Variants in YEATS2 observed in about 807,000 individuals in gnomAD.
YEATS2 encodes the protein YEATS domain-containing protein 2.
A neutral mutation model predicts 163.2 loss-of-function variants in YEATS2; 77 were observed. The ratio of observed to expected loss-of-function variants is 0.47; its 90% confidence interval spans 0.39 to 0.57. The LOEUF (loss-of-function observed/expected upper bound fraction) is 0.57. YEATS2 is among the 20% of genes least tolerant of loss of function. YEATS2 has a pLI of 0.00. For missense variants in YEATS2, 1,549 were observed against 1,729.8 expected (o/e 0.90, Z 1.85); for synonymous variants, 631 against 645.1 (o/e 0.98, Z 0.33).
intron 7 of YEATS2, 115 bp from the exon 8 acceptor site, chr3:183,736,602 TC>T (rs1718368271): frequency 1.4e-6 from 1 of 707,894 alleles, no homozygotes; most frequent in Non-Finnish European, 2.2e-6. Flanking sequence ...AACGAGGAAA[TC>T]TAAATGATTC....
chr3:183,776,631 C>G (rs1475211609), intron 18 of YEATS2, among the ~76,000 whole-genome samples: 2 of 152,070 alleles, frequency 1.3e-5, no homozygotes, highest in African/African-American at 2.4e-5. Context: ...AGTAACTTAT[C>G]CAGGATCTTC....
intron 27 of YEATS2, among the ~76,000 whole-genome samples, chr3:183,805,420 T>G (rs909857546): frequency 2.6e-5 from 4 of 151,832 alleles, no homozygotes; most frequent in Admixed American, 2.0e-4. Flanking sequence ...AAAGAAAAGT[T>G]GTTCTCTGCC....
chr3:183,723,414 TG>T (rs1716742165), intron 5 of YEATS2, among the ~76,000 whole-genome samples: 1 of 152,246 alleles, frequency 6.6e-6, no homozygotes, highest in Admixed American at 6.5e-5. Flanking sequence ...GATAAAAATA[TG>T]TTTGTATTTA....
chr3:183,776,162 T>A (rs1385167573), intron 18 of YEATS2, 39 bp downstream of exon 18: 1 of 1,511,140 alleles, frequency 6.6e-7, no homozygotes, highest in African/African-American at 1.4e-5. Flanking sequence ...ATCATTTAGC[T>A]ATTGGATAAC....
chr3:183,763,348 T>C (rs188990716), intron 15 of YEATS2, among the ~76,000 whole-genome samples: 79 of 152,282 alleles, frequency 5.2e-4, no homozygotes, highest in African/African-American at 1.7e-3. Context: ...TCTCAACATA[T>C]CTAAATATAG....
At chr3:183,730,051 T>TGTTTG (rs1560244247) in intron 7 of YEATS2, among the ~76,000 whole-genome samples, 1 of 68,588 alleles carries the variant, frequency 1.5e-5, no homozygotes, top group Non-Finnish European at 2.8e-5. Flanking sequence ...GTTTTTTGTT[T>TGTTTG]GTTTTTTTTT....
chr3:183,803,506 T>G (rs1238154970), intron 26 of YEATS2, 171 bp downstream of exon 26: 1 of 664,920 alleles, frequency 1.5e-6, no homozygotes, highest in Non-Finnish European at 2.5e-6. Flanking sequence ...CAGGCGTGCC[T>G]TCTTTTCCTG....
chr3:183,700,770 C>CCA, intron 1 of YEATS2, among the ~76,000 whole-genome samples: 1 of 37,748 alleles, frequency 2.6e-5, no homozygotes, highest in South Asian at 1.0e-3. Context: ...GACTTCGTCT[C>CCA]AAAAAAAAAA....
chr3:183,719,153 C>CT (rs1271192463), intron 4 of YEATS2, among the ~76,000 whole-genome samples: 333 of 141,814 alleles, frequency 2.3e-3, no homozygotes, highest in Middle Eastern at 3.7e-3. Context: ...ATATTTTTTC[C>CT]TTTTTTTTTT....
rs535114198 is a variant in YEATS2, at chr3:183,786,952, G to T, written c.2913+651G>T. ...AGTGATGGAATTGCTGGATTATAAG[G>T]TAACTTTTTTTGTTGTTTTTTGAGA... On this transcript the variant is annotated intron_variant, in intron 20 of 30. Coordinates refer to ENST00000305135, the MANE Select transcript of YEATS2 (RefSeq NM_018023.5). 5.9e-5 allele frequency among the ~76,000 whole-genome samples: 9 copies of T among 152,048 alleles called. No homozygotes were observed. The East Asian group carries it at 1.7e-3, about 29-fold the overall frequency.
intron 9 of YEATS2, 25 bp downstream of exon 9, chr3:183,747,741 T>C: frequency 1.2e-6 from 2 of 1,603,920 alleles, no homozygotes; most frequent in Non-Finnish European, 1.7e-6. Flanking sequence ...TACAGTATTA[T>C]CTGGGAATGA....
Position 183,717,691 on chromosome 3 carries a change from A to G in YEATS2, c.141A>G (p.Lys47=). The part of the protein sequence containing the change: ...AAVQKIETII[K]EQFALEMKNK... ...TGCAGAAGATTGAGACTATTATCAAAGAACAGTTTGCTCTTGAAATGAAGA... is the reference window on the plus strand; with the variant it reads ...TGCAGAAGATTGAGACTATTATCAAGGAACAGTTTGCTCTTGAAATGAAGA... Residue 47 remains lysine, a synonymous_variant, in exon 3 of 31, where the codon AAA becomes AAG. Coordinates refer to ENST00000305135, the MANE Select transcript of YEATS2 (RefSeq NM_018023.5). 2 of 1,570,284 alleles carry G rather than the reference A, an allele frequency of 1.3e-6. No homozygotes were observed. Among genetic ancestry groups the G allele is most frequent in the Admixed American group, 2.0e-5 (1 of 50,110 alleles).
At chr3:183,721,080 T>C (rs1045200658) in intron 4 of YEATS2, among the ~76,000 whole-genome samples, 7 of 152,228 alleles carry the variant, frequency 4.6e-5, no homozygotes, top group Non-Finnish European at 7.3e-5. Flanking sequence ...TCTGGAAATA[T>C]GCTGATTTTA....
chr3:183,768,321 A>G (rs1271591827), intron 15 of YEATS2, among the ~76,000 whole-genome samples: 1 of 152,196 alleles, frequency 6.6e-6, no homozygotes, highest in Non-Finnish European at 1.5e-5. Flanking sequence ...ACAGAGCCCG[A>G]AAGTCGCTCT....
Position 183,811,796 on chromosome 3 carries a change from A to G in YEATS2, c.*1213A>G, listed in dbSNP as rs558786093. Reference sequence around the variant, plus strand: ...GCATGCCCAGTCAGAAATCTGTTCTATTCTGCTCCAGGAAAATCGGAAACC... The same window carrying G: ...GCATGCCCAGTCAGAAATCTGTTCTGTTCTGCTCCAGGAAAATCGGAAACC... On this transcript the variant is annotated 3_prime_UTR_variant, in exon 31 of 31. Coordinates refer to ENST00000305135, the MANE Select transcript of YEATS2 (RefSeq NM_018023.5). 2.6e-5 allele frequency: 4 copies of G among 152,404 alleles called. No individual in the cohort carries two copies. Among genetic ancestry groups the G allele is most frequent in the East Asian group, 1.9e-4 (1 of 5,188 alleles). The allele number at this position is 152,404 out of a possible 1,614,324, so 9.4% of individuals were successfully genotyped here. A position where few individuals can be genotyped will look rare whatever the true frequency, so the allele number is the denominator to read the frequency against.
chr3:183,788,910 G>A (rs1577196369), intron 20 of YEATS2, among the ~76,000 whole-genome samples: 1 of 152,084 alleles, frequency 6.6e-6, no homozygotes, highest in African/African-American at 2.4e-5. Flanking sequence ...TGCCCCTTGG[G>A]CCATTTATGT....
At chr3:183,802,477 T>C (rs1725751889) in intron 25 of YEATS2, 1 of 113,874 alleles carries the variant, frequency 8.8e-6, no homozygotes, top group Non-Finnish European at 1.8e-5. Context: ...CAAAAAAATC[T>C]CTCTTATATA....
chr3:183,741,019 A>T lies in YEATS2; in HGVS notation c.924+4190A>T, dbSNP rs576050333. On this transcript the variant is annotated intron_variant, in intron 8 of 30. Transcript: ENST00000305135. ...AGTGGCGTGATCTCGGCTCACTGCA[A>T]CCTTTGTATCCTGGGTTCAAGCAAT... Among the ~76,000 whole-genome samples the T allele has an allele frequency of 8.2e-4, 125 of 152,114 alleles. 1 individual carries two copies. In the South Asian group the frequency reaches 0.011, roughly 13 times the overall value.
rs1297098622 is a variant in YEATS2 at position 183,700,628 on chromosome 3, A to C, written c.-20+2635A>C. Among the ~76,000 whole-genome samples, 29 of 133,172 alleles carry C rather than the reference A, an allele frequency of 2.2e-4. No homozygotes were observed. The Admixed American group carries it at 2.5e-3, about 11-fold the overall frequency. 87.4% of individuals were successfully genotyped at this position (133,172 alleles called of 152,430 possible). A position where few individuals can be genotyped will look rare whatever the true frequency, so the allele number is the denominator to read the frequency against. ...TTTTTTTTTTTTTTGAGACAGAATC[A>C]CAGTCTGTTGCCCAGGCCTGTAATC... On this transcript the variant is annotated intron_variant, in intron 1 of 30. Coordinates refer to ENST00000305135, the MANE Select transcript of YEATS2 (RefSeq NM_018023.5).
Sources: gnomAD v4.1 joint callset for allele counts (sites outside exome capture counted in the v4.1 genomes callset) on GRCh38, gnomAD v4.1.1 for gene constraint, MANE v1.5 for transcripts, NCBI Gene and HGNC (gene_info 2026-07-23, HGNC 2026-07-21) for gene names.